The following EXOC6 variants were observed in gnomAD, a reference collection of about 807,000 sequenced individuals.
The protein encoded by EXOC6 is exocyst complex component 6.
A neutral mutation model predicts 112.5 loss-of-function variants in EXOC6; 60 were observed. The observed-to-expected ratio is 0.53, with a 90% CI of 0.43 to 0.66. The LOEUF (loss-of-function observed/expected upper bound fraction) is 0.66. Among genes scored for constraint, EXOC6 ranks in the 30% least tolerant of loss-of-function variants. The pLI is 0.00. For synonymous variants in EXOC6, 295 were observed against 308.0 expected (o/e 0.96, Z 0.44); for missense variants, 855 against 957.1 (o/e 0.89, Z 1.41).
intron 1 of EXOC6, among the ~76,000 whole-genome samples, chr10:92,850,943 G>T (rs1847296487): frequency 6.6e-6 from 1 of 151,800 alleles, no homozygotes; most frequent in African/African-American, 2.4e-5. Flanking sequence ...AAGTATATTA[G>T]AAATCAGTAG....
chr10:92,866,186 T>C (rs1848167080), intron 1 of EXOC6, among the ~76,000 whole-genome samples: 1 of 152,230 alleles, frequency 6.6e-6, no homozygotes, highest in African/African-American at 2.4e-5. Flanking sequence ...TAACTGCTGG[T>C]AATGATTTTA....
intron 1 of EXOC6, among the ~76,000 whole-genome samples, chr10:92,868,020 TC>T (rs573973689): frequency 2.0e-5 from 3 of 152,186 alleles, no homozygotes; most frequent in South Asian, 2.1e-4. Context: ...AACATTTTTT[TC>T]ATTTGTCTTT....
chr10:92,839,853 G>C (rs533684692), intron 1 of EXOC6, among the ~76,000 whole-genome samples: 7 of 152,062 alleles, frequency 4.6e-5, no homozygotes, highest in Admixed American at 4.6e-4. Flanking sequence ...GCTGTGGGGC[G>C]GGGGTGGATG....
At chr10:92,896,171 ATATATATATATTTTTTTTTTTTTTTTTT>A (rs1752181073) in intron 4 of EXOC6, among the ~76,000 whole-genome samples, 5 of 25,222 alleles carry the variant, frequency 2.0e-4, no homozygotes, top group African/African-American at 8.2e-4. Flanking sequence ...ATATATATAT[ATATATATATATTTTTTTTTTTTTTTTTT>A]TTTTTTTTTT....
At chr10:93,047,558 AC>A (rs1356664523) in intron 20 of EXOC6, among the ~76,000 whole-genome samples, 1 of 152,010 alleles carries the variant, frequency 6.6e-6, no homozygotes, top group African/African-American at 2.4e-5. Context: ...ACAAAACAAA[AC>A]AAAAAGAGGA....
chr10:92,837,547 C>A (rs1301094884), intron 1 of EXOC6, among the ~76,000 whole-genome samples: 1 of 152,138 alleles, frequency 6.6e-6, no homozygotes, highest in Non-Finnish European at 1.5e-5. Flanking sequence ...CCTGTAGTCT[C>A]AGCTACTCGG....
intron 17 of EXOC6, among the ~76,000 whole-genome samples, chr10:92,965,963 A>T (rs1191540671): frequency 6.6e-6 from 1 of 152,148 alleles, no homozygotes; most frequent in Non-Finnish European, 1.5e-5. Flanking sequence ...TGATTCCCTG[A>T]CATAGATTTA....
rs774666749 is a variant in EXOC6, at chr10:92,834,745, GAA to G, written c.8_9del (p.Glu3GlyfsTer8). The G allele has an allele frequency of 3.1e-6, 5 of 1,608,716 alleles. No homozygotes were observed. The East Asian group carries it at 1.1e-4, about 36-fold the overall frequency. ...ATTAGGGGCCTGTCGAGCGATGTTG[GAA>G]GAAGAAACAGATCAAACCTATGAGA... On this transcript the variant is annotated frameshift_variant, in exon 1 of 22. Transcript: ENST00000371552. LOFTEE classifies it high-confidence loss of function.
chr10:93,033,757 A>G (rs1845382754), intron 20 of EXOC6, among the ~76,000 whole-genome samples: 1 of 152,226 alleles, frequency 6.6e-6, no homozygotes, highest in Admixed American at 6.5e-5. Flanking sequence ...TTTCTTCAAT[A>G]AAAATGATTG....
intron 1 of EXOC6, 109 bp downstream of exon 1, chr10:92,848,743 TGGTGCGCGCG>T (rs1293106713): frequency 2.2e-6 from 2 of 915,048 alleles, no homozygotes; most frequent in Non-Finnish European, 2.7e-6. Flanking sequence ...CCCCGACAGG[TGGTGCGCGCG>T]GGGGCGGGCG....
chr10:92,949,709 C>T lies in EXOC6; in HGVS notation c.1416+1330C>T, dbSNP rs180911610. On this transcript the variant is annotated intron_variant, in intron 14 of 21. Coordinates refer to ENST00000260762, the MANE Select transcript of EXOC6 (RefSeq NM_019053.6). ...CTGGGTTCAAGTGATTCTCCTGCCT[C>T]AGCCTCCCAAGTAGCTGGGATTACA... 2.0e-4 allele frequency among the ~76,000 whole-genome samples: 30 copies of T among 152,056 alleles called. No individual in the cohort carries two copies. The East Asian group carries it at 5.4e-3, about 27-fold the overall frequency.
chr10:92,968,635 A>G (rs1842162616), intron 17 of EXOC6, among the ~76,000 whole-genome samples: 1 of 152,174 alleles, frequency 6.6e-6, no homozygotes, highest in South Asian at 2.1e-4. Context: ...TCTTTTAGTA[A>G]GACATTTATT....
At chr10:92,857,597 A>C (rs1847662248) in intron 1 of EXOC6, among the ~76,000 whole-genome samples, 1 of 152,180 alleles carries the variant, frequency 6.6e-6, no homozygotes, top group Admixed American at 6.5e-5. Context: ...TCCCACATAC[A>C]TCCTTTGTGT....
At chr10:92,829,774 T>A (rs895512949), upstream of EXOC6, among the ~76,000 whole-genome samples, 2 of 152,180 alleles carry the variant, frequency 1.3e-5, no homozygotes, top group African/African-American at 4.8e-5. Context: ...AAGACCTTGC[T>A]GATAAAACAG....
chr10:92,982,648 T>G (rs1033717907), intron 18 of EXOC6, among the ~76,000 whole-genome samples: 1 of 152,206 alleles, frequency 6.6e-6, no homozygotes, highest in Non-Finnish European at 1.5e-5. Context: ...ATAATAAGAT[T>G]AAAACTATTA....
At chr10:93,036,803 C>T (rs1845535854) in intron 20 of EXOC6, among the ~76,000 whole-genome samples, 2 of 152,244 alleles carry the variant, frequency 1.3e-5, no homozygotes, top group African/African-American at 4.8e-5. Context: ...ACAATATAAG[C>T]ATTATTGTAA....
At chr10:92,862,922 T>C (rs753198340) in intron 1 of EXOC6, among the ~76,000 whole-genome samples, 3 of 152,190 alleles carry the variant, frequency 2.0e-5, no homozygotes, top group Non-Finnish European at 2.9e-5. Flanking sequence ...TAATTCTGTA[T>C]TTAACTTTTA....
intron 17 of EXOC6, among the ~76,000 whole-genome samples, chr10:92,964,739 A>G (rs762132928): frequency 1.3e-5 from 2 of 152,222 alleles, no homozygotes; most frequent in Non-Finnish European, 2.9e-5. Flanking sequence ...GGCCAGTGAC[A>G]CTGAGATGTC....
intron 20 of EXOC6, among the ~76,000 whole-genome samples, chr10:93,051,499 T>C (rs1846290946): frequency 6.6e-6 from 1 of 152,194 alleles, no homozygotes. Context: ...CAATACTGTT[T>C]TGCTTTTTTG....
Sources: allele counts gnomAD v4.1 joint callset (sites outside exome capture counted in the v4.1 genomes callset), GRCh38; gene constraint gnomAD v4.1.1; transcripts MANE v1.5; gene names NCBI Gene and HGNC (gene_info 2026-07-23, HGNC 2026-07-21).